The following TNFRSF11B variants were observed in gnomAD, a reference collection of about 807,000 sequenced individuals.
TNFRSF11B encodes tumor necrosis factor receptor superfamily member 11B.
Under a neutral mutation model 43.4 loss-of-function variants are expected in TNFRSF11B, and 16 were observed. That is an observed-to-expected ratio of 0.37 (90% CI 0.25 to 0.56). The LOEUF is 0.56. Among genes scored for constraint, TNFRSF11B ranks in the 20% least tolerant of loss-of-function variants. The pLI is 0.80. For synonymous variants in TNFRSF11B, 185 were observed against 181.8 expected, an observed-to-expected ratio of 1.02 and a Z score of -0.14; for missense variants, 444 against 490.1, an observed-to-expected ratio of 0.91 and a Z score of 0.89.
intron 2 of TNFRSF11B, chr8:118,930,623 G>T (rs989727334): frequency 6.4e-6 from 2 of 314,038 alleles, no homozygotes; most frequent in Admixed American, 3.5e-5. Context: ...TGTTGGCCAG[G>T]CTGGTCTTGA....
intron 2 of TNFRSF11B, among the ~76,000 whole-genome samples, chr8:118,931,620 C>T (rs1812330437): frequency 6.6e-6 from 1 of 152,168 alleles, no homozygotes; most frequent in Admixed American, 6.5e-5. Flanking sequence ...GGAACTATCA[C>T]CAATTCCTCC....
chr8:118,941,519 G>A (rs913478377), intron 1 of TNFRSF11B, among the ~76,000 whole-genome samples: 4 of 152,070 alleles, frequency 2.6e-5, no homozygotes, highest in African/African-American at 4.8e-5. Context: ...TTGTCTTCAG[G>A]TAAAATTTAA....
At chr8:118,941,457 T>TG (rs1356227286) in intron 1 of TNFRSF11B, among the ~76,000 whole-genome samples, 2 of 152,206 alleles carry the variant, frequency 1.3e-5, no homozygotes, top group East Asian at 3.8e-4. Context: ...ATTTATTAGA[T>TG]GAGTCACTGG....
rs1353150058 is a variant in TNFRSF11B at position 118,923,774 on chromosome 8, A to G, written c.*600T>C. On this transcript the variant is annotated 3_prime_UTR_variant, in exon 5 of 5. Coordinates refer to ENST00000297350, the MANE Select transcript of TNFRSF11B (RefSeq NM_002546.4). ...AAATTATAAAAATACTCCACACAGA[A>G]AAATATGGCAGTACCTATTAGAAAA... The G allele has an allele frequency of 1.3e-5, 2 of 152,618 alleles. No individual in the cohort carries two copies. Among genetic ancestry groups the G allele is most frequent in the African/African-American group, 4.8e-5 (2 of 41,446 alleles). 9.5% of individuals were successfully genotyped at this position (152,618 alleles called of 1,614,324 possible). A position where few individuals can be genotyped will look rare whatever the true frequency, so the allele number is the denominator to read the frequency against.
chr8:118,926,751 C>G (rs749228162), intron 3 of TNFRSF11B, 33 bp from the exon 4 acceptor site: 1 of 1,576,894 alleles, frequency 6.3e-7, no homozygotes, highest in Non-Finnish European at 8.7e-7. Flanking sequence ...AGAAGATTTA[C>G]TCAACAATTG....
At chr8:118,936,037 C>T (rs1812401931) in intron 1 of TNFRSF11B, among the ~76,000 whole-genome samples, 1 of 152,140 alleles carries the variant, frequency 6.6e-6, no homozygotes, top group Admixed American at 6.5e-5. Context: ...TTAGAAGAAG[C>T]CGTATAAATA....
intron 1 of TNFRSF11B, among the ~76,000 whole-genome samples, chr8:118,948,415 G>T (rs1812596406): frequency 6.6e-6 from 1 of 152,096 alleles, no homozygotes; most frequent in African/African-American, 2.4e-5. Context: ...CAGCAGTGGG[G>T]GGCTGACGGT....
intron 1 of TNFRSF11B, among the ~76,000 whole-genome samples, chr8:118,947,038 A>G (rs1447099567): frequency 6.6e-6 from 1 of 152,188 alleles, no homozygotes; most frequent in East Asian, 1.9e-4. Flanking sequence ...TCCAAATATC[A>G]ATATATGAAT....
intron 1 of TNFRSF11B, among the ~76,000 whole-genome samples, chr8:118,948,686 G>A (rs749323129): frequency 2.0e-5 from 3 of 152,004 alleles, no homozygotes; most frequent in African/African-American, 4.8e-5. Flanking sequence ...ACGTTGCTAC[G>A]GACAGGGATC....
intron 1 of TNFRSF11B, among the ~76,000 whole-genome samples, chr8:118,951,052 A>T (rs1422197274): frequency 6.6e-6 from 1 of 151,368 alleles, no homozygotes; most frequent in Non-Finnish European, 1.5e-5. Context: ...ACCTAAGCTT[A>T]AAAAAAAAGC....
intron 1 of TNFRSF11B, among the ~76,000 whole-genome samples, chr8:118,936,188 A>C (rs974213241): frequency 6.6e-6 from 1 of 152,230 alleles, no homozygotes; most frequent in Non-Finnish European, 1.5e-5. Flanking sequence ...AGGAACCCAC[A>C]GAGAAATGAA....
chr8:118,929,588 G>A (rs533571287), intron 2 of TNFRSF11B, among the ~76,000 whole-genome samples: 5 of 152,346 alleles, frequency 3.3e-5, no homozygotes, highest in Non-Finnish European at 5.9e-5. Context: ...CAGCAGAGTC[G>A]TTAAAACTTC....
intron 1 of TNFRSF11B, among the ~76,000 whole-genome samples, chr8:118,933,935 A>C (rs1812366950): frequency 6.6e-6 from 1 of 152,194 alleles, no homozygotes; most frequent in Non-Finnish European, 1.5e-5. Context: ...TTCTGCCCTT[A>C]TGGAGTTAAT....
At position 118,933,268 on chromosome 8, in the gene TNFRSF11B, C is replaced by G; in HGVS notation, c.63G>C (p.Gln21His). The G allele has an allele frequency of 1.2e-6, 2 of 1,613,914 alleles. No homozygotes were observed. The highest frequency in any genetic ancestry group is 1.7e-6 in the Non-Finnish European group (2 of 1,180,032). Reference protein sequence around the residue: ...FLDISIKWTTQETFPPKYLHY... With the variant: ...FLDISIKWTTHETFPPKYLHY... ...GAAGGTACTTTGGAGGAAACGTTTC[C>G]TGGGTGGTCCACTTAATGGAGATGT... Residue 21 changes from glutamine (Q) to histidine (H), a missense_variant, in exon 2 of 5, where the codon CAG becomes CAC. Gln to His is a conservative substitution (Grantham distance 24, BLOSUM62 0). Transcript: ENST00000297350.
At chr8:118,927,550 C>T (rs1170843182) in intron 3 of TNFRSF11B, among the ~76,000 whole-genome samples, 1 of 76,830 alleles carries the variant, frequency 1.3e-5, no homozygotes, top group South Asian at 6.8e-4. Flanking sequence ...CCCCTTCCTT[C>T]ATTTTTTTTT....
intron 3 of TNFRSF11B, 30 bp from the exon 4 acceptor site, chr8:118,926,748 T>A: frequency 1.3e-6 from 2 of 1,582,668 alleles, no homozygotes; most frequent in Non-Finnish European, 1.7e-6. Context: ...CCCAGAAGAT[T>A]TACTCAACAA....
intron 1 of TNFRSF11B, among the ~76,000 whole-genome samples, chr8:118,940,141 G>A (rs910416125): frequency 6.6e-6 from 1 of 152,082 alleles, no homozygotes; most frequent in Admixed American, 6.6e-5. Context: ...GAGATTACTT[G>A]GACACAGGGC....
In TNFRSF11B at chr8:118,924,264, T is replaced by C; in HGVS notation, c.*110A>G. 1 of 1,312,314 alleles carries C rather than the reference T, an allele frequency of 7.6e-7. No homozygotes were observed. 81.3% of individuals were successfully genotyped at this position (1,312,314 alleles called of 1,614,324 possible). The stretch of plus-strand genomic sequence containing the variant: ...TTTTAGTACCCTGTGGCAAAATTAG[T>C]CACTGGTAATGAGAAAGATATCACT... On this transcript the variant is annotated 3_prime_UTR_variant, in exon 5 of 5. Transcript: ENST00000297350.
chr8:118,928,991 C>T (rs1254598779), intron 2 of TNFRSF11B, 62 bp from the exon 3 acceptor site: 2 of 1,492,178 alleles, frequency 1.3e-6, no homozygotes, highest in South Asian at 1.1e-5. Flanking sequence ...CAGATGCCCT[C>T]TTAACACAGT....
Sources: gnomAD v4.1 joint callset for allele counts (sites outside exome capture counted in the v4.1 genomes callset) on GRCh38, gnomAD v4.1.1 for gene constraint, MANE v1.5 for transcripts, NCBI Gene and HGNC (gene_info 2026-07-23, HGNC 2026-07-21) for gene names.